B3GALT1: variants seen among roughly 807,000 people sequenced by gnomAD.
B3GALT1 encodes UDP-Gal:betaGlcNAc beta 1,3-galactosyltransferase, polypeptide 1.
A neutral mutation model predicts 23.2 loss-of-function variants in B3GALT1; 10 were observed. The observed-to-expected ratio is 0.43, with a 90% CI of 0.27 to 0.73. The LOEUF (loss-of-function observed/expected upper bound fraction) is 0.73. B3GALT1 is among the 30% of genes least tolerant of loss of function. B3GALT1 has a pLI of 0.21. For synonymous variants in B3GALT1, 156 were observed against 141.5 expected, an observed-to-expected ratio of 1.10 and a Z score of -0.73; for missense variants, 299 against 405.4, an observed-to-expected ratio of 0.74 and a Z score of 2.25.
intron 2 of B3GALT1, among the ~76,000 whole-genome samples, chr2:167,609,334 C>G (rs1264879416): frequency 1.3e-5 from 2 of 152,064 alleles, no homozygotes; most frequent in African/African-American, 4.8e-5. Context: ...CTGTTCCAAC[C>G]AGTAATGTGG....
intron 1 of B3GALT1, among the ~76,000 whole-genome samples, chr2:167,446,924 G>A (rs1436434725): frequency 6.7e-6 from 1 of 148,232 alleles, no homozygotes; most frequent in African/African-American, 2.7e-5. Flanking sequence ...TTCCTTTGGA[G>A]GAGAAGAGGC....
At chr2:167,335,570 G>A (rs1851759) in intron 1 of B3GALT1, among the ~76,000 whole-genome samples, 130,211 of 152,140 alleles carry the variant, frequency 0.86, 56,121 homozygotes, top group Middle Eastern at 0.93. Flanking sequence ...GGGGTGGGCA[G>A]TTCCCAGAAC....
At chr2:167,531,314 G>A (rs945967709) in intron 2 of B3GALT1, among the ~76,000 whole-genome samples, 6 of 152,118 alleles carry the variant, frequency 3.9e-5, no homozygotes, top group African/African-American at 1.4e-4. Flanking sequence ...AAAAGGAAAG[G>A]GGATAGAGCA....
At chr2:167,375,999 C>T (rs559538818) in intron 1 of B3GALT1, among the ~76,000 whole-genome samples, 1 of 152,242 alleles carries the variant, frequency 6.6e-6, no homozygotes, top group Non-Finnish European at 1.5e-5. Context: ...TATGTTCTTT[C>T]ATTGCCTAGT....
chr2:167,479,582 A>T (rs1046077445), intron 1 of B3GALT1, among the ~76,000 whole-genome samples: 5 of 152,178 alleles, frequency 3.3e-5, no homozygotes, highest in African/African-American at 1.2e-4. Context: ...TAGTAAGCAC[A>T]ATTCAACTCT....
intron 2 of B3GALT1, among the ~76,000 whole-genome samples, chr2:167,600,577 T>C (rs1368604396): frequency 1.3e-5 from 2 of 152,106 alleles, no homozygotes; most frequent in Non-Finnish European, 2.9e-5. Context: ...CAACAACTAA[T>C]CTGTTTTCTA....
chr2:167,609,802 A>G (rs1685027560), intron 2 of B3GALT1, among the ~76,000 whole-genome samples: 1 of 152,140 alleles, frequency 6.6e-6, no homozygotes, highest in African/African-American at 2.4e-5. Flanking sequence ...CCACATGGAA[A>G]TGAATGGGAA....
chr2:167,471,317 G>A (rs6725468), intron 1 of B3GALT1, among the ~76,000 whole-genome samples: 7,426 of 152,134 alleles, frequency 0.049, 596 homozygotes, highest in African/African-American at 0.17. Flanking sequence ...ATTCTTACAC[G>A]CAAGCTATCC....
chr2:167,492,286 C>T (rs1699720920), intron 2 of B3GALT1, among the ~76,000 whole-genome samples: 1 of 152,168 alleles, frequency 6.6e-6, no homozygotes, highest in Non-Finnish European at 1.5e-5. Flanking sequence ...TTTTAAGGTT[C>T]ATCTATGTTT....
At chr2:167,523,513 C>T (rs777531450) in intron 2 of B3GALT1, among the ~76,000 whole-genome samples, 8 of 151,792 alleles carry the variant, frequency 5.3e-5, no homozygotes, top group Admixed American at 1.3e-4. Flanking sequence ...GCAACTTCCG[C>T]GTCCCACGTT....
intron 2 of B3GALT1, among the ~76,000 whole-genome samples, chr2:167,633,721 C>G (rs1685500021): frequency 6.6e-6 from 1 of 151,922 alleles, no homozygotes; most frequent in Admixed American, 6.6e-5. Context: ...ACTTAGACTC[C>G]CACACAATAA....
intron 1 of B3GALT1, among the ~76,000 whole-genome samples, chr2:167,392,848 C>T (rs1698035978): frequency 1.3e-5 from 2 of 152,066 alleles, no homozygotes; most frequent in African/African-American, 4.8e-5. Context: ...AATCTATAAT[C>T]CATATGATAT....
chr2:167,331,956 G>A (rs1363777545), intron 1 of B3GALT1, among the ~76,000 whole-genome samples: 1 of 152,188 alleles, frequency 6.6e-6, no homozygotes, highest in Non-Finnish European at 1.5e-5. Context: ...AGCATGCGCA[G>A]CTGCGTGGGA....
chr2:167,543,135 A>G lies in B3GALT1; in HGVS notation c.-410+52858A>G, dbSNP rs1300011244. 6.6e-5 allele frequency among the ~76,000 whole-genome samples: 10 copies of G among 152,280 alleles called. No individual in the cohort carries two copies. In the East Asian group the frequency reaches 1.7e-3, roughly 26 times the overall value. ...CAGTCAATAACAGAGGAAAATTACA[A>G]TTTATGGGCTTTATTCTCTAGAACT... On this transcript the variant is annotated intron_variant, in intron 2 of 4. Coordinates refer to ENST00000392690, the MANE Select transcript of B3GALT1 (RefSeq NM_020981.4).
chr2:167,435,989 A>ATG lies in B3GALT1; in HGVS notation c.-510-54188_-510-54187insTG, dbSNP rs1321711034. ...CACACACACACACACACACGCACAC[A>ATG]CACACACGCACTAGTCCAAGTTACT... On this transcript the variant is annotated intron_variant, in intron 1 of 4. Transcript: ENST00000392690. 5.4e-3 allele frequency among the ~76,000 whole-genome samples: 569 copies of ATG among 106,066 alleles called. 2 individuals are homozygous for ATG. The highest frequency in any genetic ancestry group is 0.032 in the African/African-American group (540 of 17,060). The allele number at this position is 106,066 out of a possible 152,430, so 69.6% of individuals were successfully genotyped here. A position where few individuals can be genotyped will look rare whatever the true frequency, so the allele number is the denominator to read the frequency against.
chr2:167,806,286 T>G (rs1688751362), intron 3 of B3GALT1, among the ~76,000 whole-genome samples: 1 of 152,194 alleles, frequency 6.6e-6, no homozygotes, highest in South Asian at 2.1e-4. Flanking sequence ...AGGGACAATT[T>G]GACTTCCTCT....
At chr2:167,636,170 A>G (rs531427765) in intron 2 of B3GALT1, among the ~76,000 whole-genome samples, 1 of 152,028 alleles carries the variant, frequency 6.6e-6, no homozygotes, top group South Asian at 2.1e-4. Context: ...AGCTGAGGAG[A>G]TTAAGACTCT....
chr2:167,296,167 A>T (rs997853465), intron 1 of B3GALT1, among the ~76,000 whole-genome samples: 4 of 152,208 alleles, frequency 2.6e-5, no homozygotes, highest in Admixed American at 1.3e-4. Context: ...AGGCCACTAA[A>T]TTCACTTCTT....
chr2:167,799,376 T>C (rs528709336), intron 3 of B3GALT1, among the ~76,000 whole-genome samples: 2 of 152,258 alleles, frequency 1.3e-5, no homozygotes, highest in South Asian at 4.1e-4. Context: ...AGGTCCATTA[T>C]GTTACTTTGT....
Sources: gnomAD v4.1 joint callset for allele counts (sites outside exome capture counted in the v4.1 genomes callset) on GRCh38, gnomAD v4.1.1 for gene constraint, MANE v1.5 for transcripts, NCBI Gene and HGNC (gene_info 2026-07-23, HGNC 2026-07-21) for gene names.